Variants in CCDC30 observed in about 807,000 individuals in gnomAD.
CCDC30 encodes the protein coiled-coil domain containing 30.
In CCDC30, 70 loss-of-function variants were observed where a neutral mutation model predicts 100.2. The observed-to-expected ratio is 0.70, with a 90% CI of 0.58 to 0.85. The LOEUF is 0.85. Among genes scored for constraint, CCDC30 ranks in the 40% least tolerant of loss-of-function variants. The pLI, the probability that CCDC30 is intolerant of heterozygous loss-of-function variation, is 0.00. For missense variants in CCDC30, 652 were observed against 771.2 expected (o/e 0.85, Z 1.83); for synonymous variants, 233 against 269.5 (o/e 0.86, Z 1.33).
intron 6 of CCDC30, among the ~76,000 whole-genome samples, chr1:42,545,186 A>AAAAAAAT (rs760685126): frequency 0.039 from 4,919 of 125,770 alleles, 245 homozygotes; most frequent in Non-Finnish European, 0.063. Context: ...AAAAAAAAAA[A>AAAAAAAT]AAGGGAATTT....
intron 9 of CCDC30, among the ~76,000 whole-genome samples, chr1:42,588,077 G>A (rs1026633653): frequency 2.0e-5 from 3 of 152,208 alleles, no homozygotes; most frequent in African/African-American, 7.2e-5. Flanking sequence ...AACCAATCAT[G>A]AGGAATGAGG....
chr1:42,459,939 T>A (rs1368928280), upstream of CCDC30: 1 of 1,576,102 alleles, frequency 6.3e-7, no homozygotes, highest in African/African-American at 1.4e-5. Context: ...TAAAAAGCCC[T>A]TATAGGATCA....
intron 1 of CCDC30, among the ~76,000 whole-genome samples, chr1:42,470,292 A>AT (rs34306139): frequency 0.91 from 135,835 of 149,924 alleles, 61,555 homozygotes; most frequent in East Asian, 0.99. Flanking sequence ...TAGGATGGCT[A>AT]TTTTTTTTTT....
the CCDC30 span, chr1:42,456,237 A>T: frequency 6.6e-6 from 4 of 608,006 alleles, no homozygotes; most frequent in African/African-American, 3.7e-5. Flanking sequence ...ACGACTCCCA[A>T]GGAGTCCAAG....
At chr1:42,461,571 G>C (rs1332254403), upstream of CCDC30, among the ~76,000 whole-genome samples, 1 of 150,014 alleles carries the variant, frequency 6.7e-6, no homozygotes, top group Non-Finnish European at 1.5e-5. Flanking sequence ...TTTTTGAGCG[G>C]AGTCTTGCTC....
intron 9 of CCDC30, among the ~76,000 whole-genome samples, chr1:42,585,348 C>T (rs576150453): frequency 6.6e-6 from 1 of 152,120 alleles, no homozygotes; most frequent in African/African-American, 2.4e-5. Context: ...GATACTCCTG[C>T]CTCAGCCTCC....
intron 6 of CCDC30, among the ~76,000 whole-genome samples, chr1:42,557,439 G>A (rs909481644): frequency 6.6e-6 from 1 of 152,072 alleles, no homozygotes; most frequent in Non-Finnish European, 1.5e-5. Context: ...ATTGGCCAGT[G>A]TGGGAGGCTT....
rs541589230 is a variant in CCDC30, at chr1:42,644,104, T to C, written c.1557-589T>C. On this transcript the variant is annotated intron_variant, in intron 13 of 16. Transcript: ENST00000668663. ...GTTCTCTTAGAGGAAAAGAACAGAA[T>C]AGGAGACATAAATATGTATATGTAA... 3.3e-5 allele frequency among the ~76,000 whole-genome samples: 5 copies of C among 152,248 alleles called. No homozygotes were observed. The East Asian group carries it at 7.7e-4, about 23-fold the overall frequency.
chr1:42,579,593 C>T (rs556475751), intron 8 of CCDC30, among the ~76,000 whole-genome samples: 2 of 151,904 alleles, frequency 1.3e-5, no homozygotes, highest in African/African-American at 4.8e-5. Context: ...GAGATCACAC[C>T]ATTGCACTCC....
upstream of CCDC30, among the ~76,000 whole-genome samples, chr1:42,461,781 G>A (rs544260350): frequency 4.2e-4 from 64 of 152,086 alleles, 1 homozygote; most frequent in African/African-American, 1.5e-3. Flanking sequence ...TCCTGACCTC[G>A]TGATCTGCCC....
At chr1:42,576,227 C>G (rs1645833874) in intron 7 of CCDC30, among the ~76,000 whole-genome samples, 1 of 152,106 alleles carries the variant, frequency 6.6e-6, no homozygotes. Context: ...GTTGCTGTAG[C>G]CCAGGCTAGA....
In CCDC30 at chr1:42,596,741, A is replaced by G. The variant is rs58188294; in HGVS notation, c.1164+7258A>G. Among the ~76,000 whole-genome samples, 1 of 89,984 alleles carries G rather than the reference A, an allele frequency of 1.1e-5. No individual in the cohort carries two copies. The highest frequency in any genetic ancestry group is 2.6e-5 in the Non-Finnish European group (1 of 39,090). 59.0% of individuals were successfully genotyped at this position (89,984 alleles called of 152,430 possible). ...ACAAGACACGCTAAAAGGCAAAAAA[A>G]CAAACAAACAAACAAACAAAAACAG... On this transcript the variant is annotated intron_variant, in intron 10 of 16. Coordinates refer to ENST00000668663, the Ensembl canonical transcript of CCDC30. The surrounding 1 kb of genome is among the most constrained non-coding windows in gnomAD (Gnocchi z 4.3).
intron 6 of CCDC30, among the ~76,000 whole-genome samples, chr1:42,509,172 T>G (rs1245743907): frequency 6.6e-6 from 1 of 152,156 alleles, no homozygotes; most frequent in Non-Finnish European, 1.5e-5. Context: ...CAACTCCATC[T>G]TGCTTCCAGC....
the CCDC30 span, chr1:42,456,979 T>A: frequency 1.2e-6 from 2 of 1,603,264 alleles, no homozygotes; most frequent in South Asian, 2.2e-5. Flanking sequence ...ACCAGGAGGC[T>A]GCGGCTGCAG....
At chr1:42,564,090 T>C (rs546734832) in intron 6 of CCDC30, among the ~76,000 whole-genome samples, 1 of 152,180 alleles carries the variant, frequency 6.6e-6, no homozygotes, top group African/African-American at 2.4e-5. Flanking sequence ...TGACATGGGC[T>C]TTTTAGAAAG....
upstream of CCDC30, among the ~76,000 whole-genome samples, chr1:42,460,825 A>G (rs555415915): frequency 6.6e-6 from 1 of 152,396 alleles, no homozygotes; most frequent in Admixed American, 6.5e-5. Flanking sequence ...CAAATGAAAT[A>G]GCAAAAAGAA....
chr1:42,559,548 G>C lies in CCDC30; in HGVS notation c.457-6748G>C, dbSNP rs113383069. On this transcript the variant is annotated intron_variant, in intron 6 of 16. Transcript: ENST00000668663. ...AACGAAGATCAAAAAAGACAAAGAA[G>C]GGCATTACAAAATGGTAAAGGGAAC... 6.2e-3 allele frequency among the ~76,000 whole-genome samples: 936 copies of C among 152,172 alleles called. 6 individuals carry two copies. The highest frequency in any genetic ancestry group is 0.021 in the African/African-American group (874 of 41,512).
chr1:42,541,689 G>A (rs989906082), intron 6 of CCDC30, among the ~76,000 whole-genome samples: 1 of 152,170 alleles, frequency 6.6e-6, no homozygotes, highest in Non-Finnish European at 1.5e-5. Flanking sequence ...GAGACTATGT[G>A]TTATGTTTCC....
intron 11 of CCDC30, among the ~76,000 whole-genome samples, chr1:42,628,694 T>G (rs749128947): frequency 8.5e-5 from 13 of 152,158 alleles, no homozygotes; most frequent in Non-Finnish European, 1.8e-4. Context: ...CATTTTCTCT[T>G]GCCACTGCCG....
Sources: gnomAD v4.1 joint callset for allele counts (sites outside exome capture counted in the v4.1 genomes callset) on GRCh38, gnomAD v4.1.1 for gene constraint, Gnocchi (gnomAD v3.1) non-coding constraint, MANE v1.5 for transcripts, NCBI Gene and HGNC (gene_info 2026-07-23, HGNC 2026-07-21) for gene names.